Variants in AP1G1 observed in about 807,000 individuals in gnomAD.
AP1G1 encodes the protein adaptor related protein complex 1 subunit gamma 1, also known as AP-1 complex subunit gamma-1.
AP1G1 carries 7 observed loss-of-function variants against 108.3 expected under a neutral mutation model. The ratio of observed to expected loss-of-function variants is 0.06; its 90% CI spans 0.04 to 0.12. The LOEUF is 0.12. Ranked by LOEUF, AP1G1 falls within the 10% of genes least tolerant of loss-of-function variation. AP1G1 has a pLI of 1.00. For synonymous variants in AP1G1, 379 were observed against 353.5 expected, an observed-to-expected ratio of 1.07 and a Z score of -0.81; for missense variants, 756 against 1,010.7, an observed-to-expected ratio of 0.75 and a Z score of 3.42.
chr16:71,774,269 G>A (rs911130119), intron 3 of AP1G1, 199 bp downstream of exon 3: 22 of 533,120 alleles, frequency 4.1e-5, no homozygotes, highest in Non-Finnish European at 5.5e-5. Flanking sequence ...TCCCAGCTAC[G>A]CAGGAGGCTG....
chr16:71,744,536 C>T (rs532111246), intron 19 of AP1G1, among the ~76,000 whole-genome samples: 5 of 147,022 alleles, frequency 3.4e-5, no homozygotes, highest in East Asian at 2.0e-4. Context: ...AAAGGTGATA[C>T]GGGATATATT....
chr16:71,774,682 G>A (rs1234598842), intron 2 of AP1G1, 90 bp from the exon 3 acceptor site: 25 of 1,372,860 alleles, frequency 1.8e-5, no homozygotes, highest in Admixed American at 2.5e-5. Flanking sequence ...TCCCCAGCTG[G>A]CTAAAGTAAA....
intron 1 of AP1G1, among the ~76,000 whole-genome samples, chr16:71,802,150 G>A (rs1025147409): frequency 6.6e-6 from 1 of 152,140 alleles, no homozygotes; most frequent in African/African-American, 2.4e-5. Context: ...ACAACTCAAA[G>A]TAAAAGGAGT....
intron 1 of AP1G1, among the ~76,000 whole-genome samples, chr16:71,805,469 A>G (rs2032968221): frequency 6.6e-6 from 1 of 152,102 alleles, no homozygotes; most frequent in South Asian, 2.1e-4. Flanking sequence ...AACAAAAAAG[A>G]ACTGAAAACA....
rs189723197 is a variant in AP1G1, at chr16:71,757,370, G to C, written c.1089-1211C>G. 1.4e-3 allele frequency among the ~76,000 whole-genome samples: 214 copies of C among 149,814 alleles called. 1 individual carries two copies. The highest frequency in any genetic ancestry group is 5.0e-3 in the African/African-American group (203 of 40,760). On this transcript the variant is annotated intron_variant, in intron 11 of 22. Coordinates refer to ENST00000299980, the MANE Select transcript of AP1G1 (RefSeq NM_001128.6). ...AGAGGCTGAGACAGGAGAATCGCTTGAACTCAGGAGACGGAAGTTGCAGTG... is the reference window on the plus strand; with the variant it reads ...AGAGGCTGAGACAGGAGAATCGCTTCAACTCAGGAGACGGAAGTTGCAGTG...
intron 21 of AP1G1, among the ~76,000 whole-genome samples, chr16:71,736,313 T>G (rs1452434334): frequency 6.7e-6 from 1 of 149,190 alleles, no homozygotes; most frequent in Non-Finnish European, 1.5e-5. Flanking sequence ...AGATACCAAT[T>G]TTTAAATGTA....
intron 7 of AP1G1, 34 bp from the exon 8 acceptor site, chr16:71,764,760 T>A: frequency 7.4e-7 from 1 of 1,355,920 alleles, no homozygotes; most frequent in South Asian, 1.2e-5. Flanking sequence ...GTCAACAAAT[T>A]ATGTCTCACA....
chr16:71,783,755 T>G (rs1309347445), intron 2 of AP1G1, among the ~76,000 whole-genome samples: 2 of 152,234 alleles, frequency 1.3e-5, no homozygotes, highest in African/African-American at 4.8e-5. Flanking sequence ...AATGTAGATT[T>G]CCATTCCACA....
chr16:71,785,028 T>A (rs898382047), intron 2 of AP1G1, among the ~76,000 whole-genome samples: 4 of 150,830 alleles, frequency 2.7e-5, no homozygotes, highest in African/African-American at 9.8e-5. Flanking sequence ...AATCAATATA[T>A]CTAAAATATC....
chr16:71,783,599 G>A (rs2032100315), intron 2 of AP1G1, among the ~76,000 whole-genome samples: 1 of 152,026 alleles, frequency 6.6e-6, no homozygotes, highest in African/African-American at 2.4e-5. Context: ...GTAAAATTTA[G>A]AGAAGCTAAA....
chr16:71,800,243 C>T lies in AP1G1; in HGVS notation c.-4+8520G>A, dbSNP rs554227547. On this transcript the variant is annotated intron_variant, in intron 1 of 22. Transcript: ENST00000299980. The stretch of plus-strand genomic sequence containing the variant: ...AAAATTAGCCGGGTGTGGTGGTGGG[C>T]GCCTGTAGTCCCAGCTACTCGGGAG... Among the ~76,000 whole-genome samples the T allele has an allele frequency of 3.4e-3, 489 of 143,758 alleles. 4 individuals are homozygous for T. The highest frequency in any genetic ancestry group is 0.012 in the African/African-American group (471 of 38,822). 94.3% of individuals were successfully genotyped at this position (143,758 alleles called of 152,430 possible).
intron 9 of AP1G1, 57 bp downstream of exon 9, chr16:71,764,293 G>C: frequency 9.6e-7 from 1 of 1,044,284 alleles, no homozygotes; most frequent in Non-Finnish European, 1.4e-6. Flanking sequence ...TGAAGTCCAA[G>C]TCAACCATTC....
At chr16:71,766,564 G>C in intron 6 of AP1G1, 1 of 353,856 alleles carries the variant, frequency 2.8e-6, no homozygotes, top group Admixed American at 3.5e-5. Flanking sequence ...CAAAAATTAA[G>C]TTAAATAGTG....
At chr16:71,798,084 A>G (rs781569898) in intron 1 of AP1G1, among the ~76,000 whole-genome samples, 2 of 152,246 alleles carry the variant, frequency 1.3e-5, no homozygotes, top group East Asian at 3.8e-4. Context: ...TCTATAAAAT[A>G]TTTGTTGAAA....
chr16:71,768,975 A>AC lies in AP1G1; in HGVS notation c.642+647_642+648insG, dbSNP rs397967956. Among the ~76,000 whole-genome samples, 12 of 80,552 alleles carry AC rather than the reference A, an allele frequency of 1.5e-4. 1 individual carries two copies. The highest frequency in any genetic ancestry group is 2.4e-4 in the Non-Finnish European group (10 of 41,142). 52.8% of individuals were successfully genotyped at this position (80,552 alleles called of 152,430 possible). ...AGAAATTCCTGCCTTTAAAAAAAAA[A>AC]TACAAAAAAAAAAAAAAAAAAAACA... On this transcript the variant is annotated intron_variant, in intron 6 of 22. Transcript: ENST00000299980.
At chr16:71,782,851 A>T (rs2032076212) in intron 2 of AP1G1, among the ~76,000 whole-genome samples, 1 of 152,118 alleles carries the variant, frequency 6.6e-6, no homozygotes, top group South Asian at 2.1e-4. Flanking sequence ...TCTGGTGATT[A>T]CTGAAACCTT....
intron 13 of AP1G1, chr16:71,753,488 G>T: frequency 5.2e-6 from 1 of 194,106 alleles, no homozygotes. Context: ...TCAGGTCTTT[G>T]CACTTAGGGT....
chr16:71,791,655 CAG>C (rs1339759596), intron 1 of AP1G1, among the ~76,000 whole-genome samples: 1 of 119,026 alleles, frequency 8.4e-6, no homozygotes, highest in African/African-American at 3.3e-5. Context: ...TCCTGGGTGA[CAG>C]AGTGAGACCC....
chr16:71,782,421 C>A (rs1297448772), intron 2 of AP1G1, among the ~76,000 whole-genome samples: 2 of 151,946 alleles, frequency 1.3e-5, no homozygotes, highest in Non-Finnish European at 2.9e-5. Context: ...GCCTCAGCCT[C>A]ACAAAAGACT....
Sources: gnomAD v4.1 joint callset for allele counts (sites outside exome capture counted in the v4.1 genomes callset) on GRCh38, gnomAD v4.1.1 for gene constraint, MANE v1.5 for transcripts, NCBI Gene and HGNC (gene_info 2026-07-23, HGNC 2026-07-21) for gene names.